The following PHACTR1 variants were observed in gnomAD, a reference collection of about 807,000 sequenced individuals.
PHACTR1 encodes the protein phosphatase and actin regulator 1.
Under a neutral mutation model 69.2 loss-of-function variants are expected in PHACTR1, and 16 were observed. That is an observed-to-expected ratio of 0.23 (90% CI 0.16 to 0.35). PHACTR1 has a LOEUF of 0.35. PHACTR1 is among the 10% of genes least tolerant of loss of function. PHACTR1 has a pLI of 1.00. For synonymous variants in PHACTR1, 312 were observed against 284.5 expected (o/e 1.10, Z -0.97); for missense variants, 510 against 734.7 (o/e 0.69, Z 3.54).
chr6:13,090,150 G>T (rs565520582), intron 5 of PHACTR1, among the ~76,000 whole-genome samples: 1 of 152,300 alleles, frequency 6.6e-6, no homozygotes, highest in African/African-American at 2.4e-5. Flanking sequence ...CGCCTCCTGT[G>T]TTCAAGCAGT....
chr6:13,119,171 A>G (rs17375327), intron 5 of PHACTR1, among the ~76,000 whole-genome samples: 35,029 of 152,096 alleles, frequency 0.23, 4,588 homozygotes, highest in South Asian at 0.47. Context: ...ATGGTGGAAG[A>G]TAGCAAATTA....
chr6:13,178,082 T>A (rs1761639206), intron 6 of PHACTR1, among the ~76,000 whole-genome samples: 1 of 152,238 alleles, frequency 6.6e-6, no homozygotes, highest in Non-Finnish European at 1.5e-5. Flanking sequence ...GATCCGTTGC[T>A]TTCTATGTCT....
chr6:12,974,344 T>A (rs934497897), intron 4 of PHACTR1, among the ~76,000 whole-genome samples: 6 of 152,204 alleles, frequency 3.9e-5, no homozygotes, highest in African/African-American at 1.4e-4. Flanking sequence ...ATCATCCTCT[T>A]AATCTTTTGT....
chr6:13,207,197 T>C (rs1258351340), intron 8 of PHACTR1, among the ~76,000 whole-genome samples: 1 of 152,254 alleles, frequency 6.6e-6, no homozygotes, highest in Non-Finnish European at 1.5e-5. Flanking sequence ...AATACTTTTA[T>C]ATTTCATATC....
chr6:13,176,441 A>G (rs1197400602), intron 6 of PHACTR1, among the ~76,000 whole-genome samples: 1 of 152,192 alleles, frequency 6.6e-6, no homozygotes, highest in East Asian at 1.9e-4. Flanking sequence ...TGCATTTTAC[A>G]AGTGGCACCT....
intron 4 of PHACTR1, among the ~76,000 whole-genome samples, chr6:12,979,744 C>A (rs1228384432): frequency 3.4e-4 from 51 of 148,718 alleles, no homozygotes; most frequent in Admixed American, 6.7e-4. Context: ...AAAAAAAAAA[C>A]CCCACACAAC....
chr6:13,263,773 G>C (rs959317139), intron 10 of PHACTR1, among the ~76,000 whole-genome samples: 1 of 152,212 alleles, frequency 6.6e-6, no homozygotes, highest in African/African-American at 2.4e-5. Flanking sequence ...GAGCAAAGGA[G>C]ATACAGTATA....
intron 1 of PHACTR1, 30 bp downstream of exon 1, chr6:12,716,926 C>T (rs1761438509): frequency 2.2e-5 from 3 of 139,302 alleles, no homozygotes; most frequent in South Asian, 4.6e-4. Context: ...CAGACTCTTC[C>T]TTTCAAATAT....
chr6:13,086,920 T>A (rs1013235506), intron 5 of PHACTR1, among the ~76,000 whole-genome samples: 2 of 152,062 alleles, frequency 1.3e-5, no homozygotes, highest in African/African-American at 4.8e-5. Context: ...TGTATTCTTG[T>A]CAACACTTGG....
chr6:13,155,615 C>G (rs1758057009), intron 5 of PHACTR1, among the ~76,000 whole-genome samples: 1 of 152,198 alleles, frequency 6.6e-6, no homozygotes, highest in South Asian at 2.1e-4. Flanking sequence ...CCTGGCTGGG[C>G]ACAGTGGCTC....
At chr6:13,195,328 G>GC (rs1233776871) in intron 7 of PHACTR1, among the ~76,000 whole-genome samples, 1 of 152,170 alleles carries the variant, frequency 6.6e-6, no homozygotes, top group Non-Finnish European at 1.5e-5. Flanking sequence ...CCAACTCACT[G>GC]CAACTAGTTG....
chr6:13,186,955 T>C (rs1254531353), intron 7 of PHACTR1, among the ~76,000 whole-genome samples: 1 of 152,100 alleles, frequency 6.6e-6, no homozygotes, highest in African/African-American at 2.4e-5. Flanking sequence ...CTAAGGGTGG[T>C]GGGAGACAGT....
intron 5 of PHACTR1, among the ~76,000 whole-genome samples, chr6:13,151,917 A>G (rs560114983): frequency 1.7e-4 from 20 of 116,640 alleles, no homozygotes; most frequent in African/African-American, 5.1e-4. Flanking sequence ...TATTTTTATA[A>G]ATAAGTGTGT....
chr6:12,836,196 C>A (rs982008991), intron 4 of PHACTR1, among the ~76,000 whole-genome samples: 5 of 152,146 alleles, frequency 3.3e-5, no homozygotes, highest in Non-Finnish European at 7.3e-5. Flanking sequence ...ACCCACAGAG[C>A]CTTAAAATAT....
intron 9 of PHACTR1, among the ~76,000 whole-genome samples, chr6:13,228,858 A>G (rs1216715023): frequency 6.6e-6 from 1 of 152,220 alleles, no homozygotes; most frequent in South Asian, 2.1e-4. Flanking sequence ...GGGCTCTGTC[A>G]CATTCTGAAG....
At chr6:13,213,972 C>T (rs143310569) in intron 8 of PHACTR1, 2 of 152,264 alleles carry the variant, frequency 1.3e-5, no homozygotes, top group African/African-American at 4.8e-5. Flanking sequence ...AAAAGTTACT[C>T]TAATCTTTGA....
intron 3 of PHACTR1, among the ~76,000 whole-genome samples, chr6:12,732,667 T>C (rs1174907029): frequency 3.3e-5 from 5 of 152,236 alleles, no homozygotes; most frequent in Non-Finnish European, 5.9e-5. Context: ...CATTCCTTTT[T>C]ATGGCTGTGT....
chr6:12,920,575 T>C (rs1787525834), intron 4 of PHACTR1, among the ~76,000 whole-genome samples: 1 of 152,244 alleles, frequency 6.6e-6, no homozygotes, highest in East Asian at 1.9e-4. Context: ...TGTTCCTATT[T>C]TCCCTGCCAG....
chr6:13,263,238 G>GTTTTTTTTTT (rs57164668), intron 10 of PHACTR1, among the ~76,000 whole-genome samples: 57 of 84,286 alleles, frequency 6.8e-4, no homozygotes, highest in Middle Eastern at 7.0e-3. Flanking sequence ...GGCTTTTAGT[G>GTTTTTTTTTT]TTTTTTTTTT....
Sources: allele counts gnomAD v4.1 joint callset (sites outside exome capture counted in the v4.1 genomes callset), GRCh38; gene constraint gnomAD v4.1.1; transcripts MANE v1.5; gene names NCBI Gene and HGNC (gene_info 2026-07-23, HGNC 2026-07-21).